The following ENPP1 variants were observed in gnomAD, a reference collection of about 807,000 sequenced individuals.
The protein encoded by ENPP1 is ectonucleotide pyrophosphatase/phosphodiesterase family member 1.
ENPP1 carries 73 observed loss-of-function variants against 122.8 expected under a neutral mutation model. The ratio of observed to expected loss-of-function variants is 0.59; its 90% confidence interval spans 0.49 to 0.72. The LOEUF is 0.72. ENPP1 is among the 30% of genes least tolerant of loss of function. ENPP1 has a pLI of 0.00. For synonymous variants in ENPP1, 367 were observed against 391.6 expected (o/e 0.94, Z 0.74); for missense variants, 978 against 1,128.1 (o/e 0.87, Z 1.91).
chr6:131,867,679 A>T (rs1186880316), intron 11 of ENPP1, among the ~76,000 whole-genome samples: 1 of 152,188 alleles, frequency 6.6e-6, no homozygotes, highest in Non-Finnish European at 1.5e-5. Context: ...TTTTGGCTTA[A>T]GTTGGGTCTA....
chr6:131,810,490 G>A (rs1781336888), intron 1 of ENPP1, among the ~76,000 whole-genome samples: 1 of 113,016 alleles, frequency 8.8e-6, no homozygotes, highest in Non-Finnish European at 1.6e-5. Flanking sequence ...GCTTCCAAAT[G>A]GAAAAGGCCC....
chr6:131,879,765 T>C, intron 19 of ENPP1, 115 bp from the exon 20 acceptor site: 1 of 970,042 alleles, frequency 1.0e-6, no homozygotes, highest in Non-Finnish European at 1.6e-6. Context: ...TTTTTAATAG[T>C]TAAAAGTAAA....
At chr6:131,810,693 C>T (rs1311420866) in intron 1 of ENPP1, among the ~76,000 whole-genome samples, 1 of 152,202 alleles carries the variant, frequency 6.6e-6, no homozygotes, top group Non-Finnish European at 1.5e-5. Flanking sequence ...CTCAGCTACA[C>T]TGTTTTAATT....
At chr6:131,870,386 CTT>C (rs1206680820) in intron 13 of ENPP1, among the ~76,000 whole-genome samples, 1 of 152,156 alleles carries the variant, frequency 6.6e-6, no homozygotes, top group Non-Finnish European at 1.5e-5. Flanking sequence ...AATATTTATT[CTT>C]TTGCCAGTCA....
intron 13 of ENPP1, among the ~76,000 whole-genome samples, chr6:131,871,728 G>T (rs1316165659): frequency 6.6e-6 from 1 of 152,186 alleles, no homozygotes; most frequent in Non-Finnish European, 1.5e-5. Flanking sequence ...ATGGATGATG[G>T]ATATTGGTTA....
At chr6:131,826,418 C>T in intron 1 of ENPP1, 1 of 923,460 alleles carries the variant, frequency 1.1e-6, no homozygotes, top group South Asian at 1.4e-5. Context: ...AAGAGCTGCT[C>T]TAGGTTAGAT....
chr6:131,829,436 T>C (rs1192291247), intron 1 of ENPP1, among the ~76,000 whole-genome samples: 5 of 152,178 alleles, frequency 3.3e-5, no homozygotes, highest in Admixed American at 3.3e-4. Flanking sequence ...ATTTGAGAAT[T>C]AGAAAACAAG....
intron 1 of ENPP1, chr6:131,827,183 A>G (rs1304588921): frequency 3.9e-6 from 3 of 763,980 alleles, no homozygotes; most frequent in Non-Finnish European, 7.2e-6. Context: ...TCCACAAGCT[A>G]ATGTTTTTCA....
At chr6:131,866,743 C>G (rs930380087) in intron 11 of ENPP1, among the ~76,000 whole-genome samples, 1 of 152,184 alleles carries the variant, frequency 6.6e-6, no homozygotes, top group Non-Finnish European at 1.5e-5. Context: ...GGCAGAAATA[C>G]TCCTGCTTAG....
intron 24 of ENPP1, among the ~76,000 whole-genome samples, chr6:131,889,557 A>G (rs1782435616): frequency 6.6e-6 from 1 of 152,196 alleles, no homozygotes; most frequent in Non-Finnish European, 1.5e-5. Flanking sequence ...TGCACAGGAC[A>G]TGATCTTTTA....
At chr6:131,858,591 C>T (rs1781978780) in intron 6 of ENPP1, 77 bp from the exon 7 acceptor site, 2 of 897,492 alleles carry the variant, frequency 2.2e-6, no homozygotes, top group African/African-American at 3.3e-5. Flanking sequence ...ATTTAGACTG[C>T]TGTGGTACCA....
At chr6:131,882,809 T>C (rs1208428902) in intron 21 of ENPP1, among the ~76,000 whole-genome samples, 1 of 151,750 alleles carries the variant, frequency 6.6e-6, no homozygotes, top group Non-Finnish European at 1.5e-5. Flanking sequence ...AGTGCAGATA[T>C]GGTAAGCAGA....
chr6:131,881,361 A>G (rs943146232), intron 20 of ENPP1, among the ~76,000 whole-genome samples: 4 of 152,158 alleles, frequency 2.6e-5, no homozygotes, highest in East Asian at 1.9e-4. Flanking sequence ...ACCATTTTTC[A>G]TAGGCACCCC....
intron 1 of ENPP1, among the ~76,000 whole-genome samples, chr6:131,809,781 T>C (rs1781325504): frequency 6.6e-6 from 1 of 152,236 alleles, no homozygotes; most frequent in African/African-American, 2.4e-5. Flanking sequence ...TTTTAAATTT[T>C]TCTTGCTCAT....
intron 1 of ENPP1, among the ~76,000 whole-genome samples, chr6:131,812,563 G>T (rs1781367600): frequency 6.6e-6 from 1 of 152,186 alleles, no homozygotes; most frequent in Non-Finnish European, 1.5e-5. Flanking sequence ...CAATAGTGAA[G>T]AGTATCACCT....
intron 14 of ENPP1, 66 bp from the exon 15 acceptor site, chr6:131,872,856 TA>T (rs1782179871): frequency 3.3e-6 from 5 of 1,501,974 alleles, no homozygotes; most frequent in South Asian, 1.1e-5. Context: ...TATCTTTCCC[TA>T]AAAAAGTTGA....
At chr6:131,864,338 AT>A (rs1302049444) in intron 9 of ENPP1, among the ~76,000 whole-genome samples, 167 bp from the exon 10 acceptor site, 1 of 152,240 alleles carries the variant, frequency 6.6e-6, no homozygotes, top group Admixed American at 6.5e-5. Context: ...CCTAACTTTC[AT>A]TCTTTCATTG....
chr6:131,882,439 A>G lies in ENPP1; in HGVS notation c.2195A>G (p.Asn732Ser). 1 of 1,610,296 alleles carries G rather than the reference A, an allele frequency of 6.2e-7. No individual in the cohort carries two copies. The highest frequency in any genetic ancestry group is 8.5e-7 in the Non-Finnish European group (1 of 1,177,576). The change falls in exon 21 of 25, where the codon AAC becomes AGC. Residue 732 changes from asparagine to serine, a missense_variant. Around this residue, in one of 3 missense-constraint regions of ENPP1, gnomAD observed 644 missense variants for 781.5 expected, o/e 0.82. Transcript: ENST00000647893. The part of the protein sequence containing the change: ...PVHKCSFYKN[N>S]TKVSYGFLSP... ...CATAAATGTTCATTTTATAAAAATAACACCAAAGTGAGTTACGGGTTCCTC... is the reference window on the plus strand; with the variant it reads ...CATAAATGTTCATTTTATAAAAATAGCACCAAAGTGAGTTACGGGTTCCTC...
chr6:131,845,478 T>TTTTTTCCTTTATACA (rs1781797556), intron 1 of ENPP1, among the ~76,000 whole-genome samples: 1 of 146,658 alleles, frequency 6.8e-6, no homozygotes, highest in Non-Finnish European at 1.5e-5. Context: ...TAATTTTTTT[T>TTTTTTCCTTTATACA]GAGCATCTTG....
Sources: allele counts gnomAD v4.1 joint callset (sites outside exome capture counted in the v4.1 genomes callset), GRCh38; gene constraint gnomAD v4.1.1; regional missense constraint gnomAD v4.1.1; transcripts MANE v1.5; gene names NCBI Gene and HGNC (gene_info 2026-07-23, HGNC 2026-07-21).